Variants in CMBL observed in about 807,000 individuals in gnomAD.
The protein encoded by CMBL is carboxymethylenebutenolidase homolog, also known as carboxymethylenebutenolidase homolog (Pseudomonas).
In CMBL, 17 loss-of-function variants were observed where a neutral mutation model predicts 28.7. The observed-to-expected ratio is 0.59, with a 90% confidence interval of 0.41 to 0.89. The LOEUF is 0.89. Among genes scored for constraint, CMBL ranks in the 40% least tolerant of loss-of-function variants. CMBL has a pLI of 0.00. For synonymous variants in CMBL, 106 were observed against 101.6 expected (o/e 1.04, Z -0.26); for missense variants, 310 against 298.5 (o/e 1.04, Z -0.28).
At chr5:10,300,752 A>C (rs1041424946) in intron 1 of CMBL, among the ~76,000 whole-genome samples, 5 of 151,860 alleles carry the variant, frequency 3.3e-5, no homozygotes, top group African/African-American at 1.2e-4. Context: ...GTAAGCTATG[A>C]TCATGCCACT....
rs1229615852 is a variant in CMBL, at chr5:10,278,568, C to CCT, written c.*1883_*1884dup. Among the ~76,000 whole-genome samples the CCT allele has an allele frequency of 6.6e-6, 1 of 151,960 alleles. No individual in the cohort carries two copies. The highest frequency in any genetic ancestry group is 6.6e-5 in the Admixed American group (1 of 15,238). On this transcript the variant is annotated 3_prime_UTR_variant, in exon 6 of 6. Coordinates refer to ENST00000296658, the MANE Select transcript of CMBL (RefSeq NM_138809.4). ...CAGTGAAGGCTTTGGCTCATAGCTC[C>CCT]CTCTCTCTCTCGTTCTCCACCTTCT...
At chr5:10,281,240 CAG>C (rs1195362635) in intron 5 of CMBL, among the ~76,000 whole-genome samples, 1 of 152,096 alleles carries the variant, frequency 6.6e-6, no homozygotes, top group Non-Finnish European at 1.5e-5. Flanking sequence ...TCTTAAGAGT[CAG>C]GGTCTCACTC....
chr5:10,293,598 A>G (rs1352404984), intron 1 of CMBL, among the ~76,000 whole-genome samples: 1 of 152,278 alleles, frequency 6.6e-6, no homozygotes, highest in African/African-American at 2.4e-5. Flanking sequence ...TAACTGAAAG[A>G]AAATGAAGAA....
At chr5:10,281,438 A>G (rs1468035601) in intron 5 of CMBL, among the ~76,000 whole-genome samples, 1 of 152,076 alleles carries the variant, frequency 6.6e-6, no homozygotes, top group Non-Finnish European at 1.5e-5. Flanking sequence ...GCCTGGTCTT[A>G]AACTCTCAGC....
intron 4 of CMBL, among the ~76,000 whole-genome samples, chr5:10,285,183 TC>T (rs1477123234): frequency 6.6e-6 from 1 of 152,038 alleles, no homozygotes; most frequent in Non-Finnish European, 1.5e-5. Flanking sequence ...TTTTTCTTTT[TC>T]TTTTGACAGA....
rs988564991 is a variant in CMBL, at chr5:10,277,940, G to A, written c.*2513C>T. 5.3e-5 allele frequency among the ~76,000 whole-genome samples: 8 copies of A among 152,204 alleles called. No homozygotes were observed. The highest frequency in any genetic ancestry group is 2.6e-4 in the Admixed American group (4 of 15,284). On this transcript the variant is annotated 3_prime_UTR_variant, in exon 6 of 6. Coordinates refer to ENST00000296658, the MANE Select transcript of CMBL (RefSeq NM_138809.4). ...TCTGGCTACTGGCCACATGCTCACCGACACCGTTCCACGGCAAAAGCCCAG... is the reference window on the plus strand; with the variant it reads ...TCTGGCTACTGGCCACATGCTCACCAACACCGTTCCACGGCAAAAGCCCAG...
chr5:10,303,937 C>A lies in CMBL; in HGVS notation c.-20+3688G>T, dbSNP rs1579478961. On this transcript the variant is annotated intron_variant, in intron 1 of 5. Coordinates refer to ENST00000296658, the MANE Select transcript of CMBL (RefSeq NM_138809.4). Reference sequence around the variant, plus strand: ...GGTGCACAGTAAGGATTTTTGTGTCCTCTGCTTCAGCTTTTAACAACAGAG... The same window carrying A: ...GGTGCACAGTAAGGATTTTTGTGTCATCTGCTTCAGCTTTTAACAACAGAG... 3.9e-5 allele frequency among the ~76,000 whole-genome samples: 6 copies of A among 152,180 alleles called. No individual in the cohort carries two copies. The South Asian group carries it at 1.2e-3, about 32-fold the overall frequency.
chr5:10,285,631 T>C (rs567392583), intron 4 of CMBL, among the ~76,000 whole-genome samples: 3 of 152,230 alleles, frequency 2.0e-5, no homozygotes, highest in African/African-American at 7.2e-5. Flanking sequence ...GTGTGCATGT[T>C]TGTGTACAGT....
intron 1 of CMBL, among the ~76,000 whole-genome samples, chr5:10,306,543 T>C (rs538810029): frequency 3.0e-4 from 46 of 152,184 alleles, no homozygotes; most frequent in African/African-American, 1.1e-3. Flanking sequence ...GGCTCAGGGT[T>C]ACAGAGGACC....
chr5:10,287,856 G>GT (rs766347957), intron 3 of CMBL, among the ~76,000 whole-genome samples: 10 of 151,602 alleles, frequency 6.6e-5, no homozygotes, highest in Non-Finnish European at 1.2e-4. Context: ...GACTACAGGC[G>GT]TGCGTCATGA....
intron 1 of CMBL, among the ~76,000 whole-genome samples, chr5:10,294,883 T>A (rs548046348): frequency 6.6e-6 from 1 of 152,118 alleles, no homozygotes; most frequent in Non-Finnish European, 1.5e-5. Flanking sequence ...TGGGAAGAGC[T>A]GGTTTGAGGA....
Position 10,279,000 on chromosome 5 carries a change from C to A in CMBL, c.*1453G>T, listed in dbSNP as rs1349636511. Among the ~76,000 whole-genome samples the A allele has an allele frequency of 6.6e-6, 1 of 152,194 alleles. No homozygotes were observed. Among genetic ancestry groups the A allele is most frequent in the African/African-American group, 2.4e-5 (1 of 41,454 alleles). The stretch of plus-strand genomic sequence containing the variant: ...GGGCTAGAGTTTACAGCCACTCTCT[C>A]CTGAGAAGGACGTCAAGACAAAATT... On this transcript the variant is annotated 3_prime_UTR_variant, in exon 6 of 6. Coordinates refer to ENST00000296658, the MANE Select transcript of CMBL (RefSeq NM_138809.4).
In CMBL at chr5:10,280,646, G is replaced by A; in HGVS notation, c.559-14C>T. The A allele has an allele frequency of 6.3e-7, 1 of 1,584,304 alleles. No homozygotes were observed. Among genetic ancestry groups the A allele is most frequent in the Non-Finnish European group, 8.6e-7 (1 of 1,156,822 alleles). On this transcript the variant is annotated splice_polypyrimidine_tract_variant and intron_variant, in intron 5 of 5. Transcript: ENST00000296658. ...CAGCAAAGATACCTGGTGTGCAAAAGATTTCATGATTTTAACCCTTTAGTG... is the reference window on the plus strand; with the variant it reads ...CAGCAAAGATACCTGGTGTGCAAAAAATTTCATGATTTTAACCCTTTAGTG...
chr5:10,305,466 C>T (rs1746985934), intron 1 of CMBL, among the ~76,000 whole-genome samples: 2 of 150,998 alleles, frequency 1.3e-5, no homozygotes, highest in African/African-American at 4.9e-5. Flanking sequence ...CCACAGGAGT[C>T]ACTCTGTAGG....
chr5:10,298,085 G>T (rs996489569), intron 1 of CMBL, among the ~76,000 whole-genome samples: 1 of 151,270 alleles, frequency 6.6e-6, no homozygotes, highest in African/African-American at 2.4e-5. Flanking sequence ...AGAGAGAGGG[G>T]GTCAGATACA....
intron 1 of CMBL, among the ~76,000 whole-genome samples, chr5:10,306,952 G>A (rs1210729395): frequency 1.3e-5 from 2 of 152,098 alleles, no homozygotes; most frequent in East Asian, 3.9e-4. Context: ...TATTTTAAAT[G>A]GGCTTTGAAA....
At position 10,282,291 on chromosome 5, in the gene CMBL, G is replaced by A. The variant is rs779840674; in HGVS notation, c.467-3C>T. Reference sequence around the variant, plus strand: ...GTCTTCAGAATCCTTGACAATGCCTGAAAAACAAGCACAGAGGCATGATGT... The same window carrying A: ...GTCTTCAGAATCCTTGACAATGCCTAAAAAACAAGCACAGAGGCATGATGT... On this transcript the variant is annotated splice_region_variant and splice_polypyrimidine_tract_variant and intron_variant, in intron 4 of 5. Transcript: ENST00000296658. The A allele has an allele frequency of 1.3e-6, 2 of 1,567,384 alleles. No individual in the cohort carries two copies. The highest frequency in any genetic ancestry group is 1.8e-6 in the Non-Finnish European group (2 of 1,136,818).
chr5:10,281,660 C>T (rs114376825), intron 5 of CMBL, among the ~76,000 whole-genome samples: 1,529 of 152,252 alleles, frequency 0.01, 33 homozygotes, highest in African/African-American at 0.034. Context: ...CCCGTTTCTC[C>T]ACCAGGTAAC....
rs897548499 is a variant in CMBL, at chr5:10,289,084, T to G, written c.216-555A>C. Among the ~76,000 whole-genome samples the G allele has an allele frequency of 6.6e-6, 1 of 152,156 alleles. No individual in the cohort carries two copies. The highest frequency in any genetic ancestry group is 2.4e-5 in the African/African-American group (1 of 41,436). ...GCCTGGCCCCAGTCCAGGTCGCTCT[T>G]CCATGCAAGTCAACCCAGAGGGATA... is the stretch of plus-strand genomic sequence containing the variant. On this transcript the variant is annotated intron_variant, in intron 2 of 5. Transcript: ENST00000296658. This position sits in a 1 kb window ranked among gnomAD's most constrained non-coding sequence, Gnocchi z 4.3.
Sources: allele counts gnomAD v4.1 joint callset (sites outside exome capture counted in the v4.1 genomes callset), GRCh38; gene constraint gnomAD v4.1.1; non-coding constraint Gnocchi (gnomAD v3.1); transcripts MANE v1.5; gene names NCBI Gene and HGNC (gene_info 2026-07-23, HGNC 2026-07-21).